The following MAF variants were observed in gnomAD, a reference collection of about 807,000 sequenced individuals.
The protein encoded by MAF is transcription factor Maf.
MAF carries 10 observed loss-of-function variants against 22.0 expected under a neutral mutation model. That is an observed-to-expected ratio of 0.45 (90% CI 0.28 to 0.77). The LOEUF is 0.77. Among genes scored for constraint, MAF ranks in the 30% least tolerant of loss-of-function variants. The pLI, the probability that MAF is intolerant of heterozygous loss-of-function variation, is 0.12. For synonymous variants in MAF, 337 were observed against 255.8 expected (o/e 1.32, Z -3.03); for missense variants, 544 against 548.4 (o/e 0.99, Z 0.08).
the MAF span, among the ~76,000 whole-genome samples, chr16:79,341,205 G>A: frequency 1.3e-5 from 2 of 152,316 alleles, no homozygotes; most frequent in Middle Eastern, 6.8e-3. Context: ...TTTATTTTAA[G>A]CACAAGAAGG....
chr16:79,451,080 A>G, the MAF span, among the ~76,000 whole-genome samples: 1 of 152,210 alleles, frequency 6.6e-6, no homozygotes, highest in Non-Finnish European at 1.5e-5. Context: ...TATTGTAATT[A>G]TAGTAGGGCA....
At chr16:79,598,579 G>A (rs1000422028) in intron 1 of MAF, 23 of 1,327,212 alleles carry the variant, frequency 1.7e-5, no homozygotes, top group Non-Finnish European at 2.2e-5. Flanking sequence ...AGCAGGGTGT[G>A]GGGTGTGTGT....
At chr16:79,330,588 G>A in the MAF span, among the ~76,000 whole-genome samples, 27 of 152,154 alleles carry the variant, frequency 1.8e-4, no homozygotes, top group Non-Finnish European at 3.5e-4. Flanking sequence ...GAACACCAGT[G>A]GGGAAAGACA....
At chr16:79,238,143 C>T in the MAF span, among the ~76,000 whole-genome samples, 1 of 152,104 alleles carries the variant, frequency 6.6e-6, no homozygotes, top group Non-Finnish European at 1.5e-5. Flanking sequence ...TGAGGCTCTT[C>T]CTTCTTGAAG....
the MAF span, among the ~76,000 whole-genome samples, chr16:79,565,508 G>GA: frequency 1.6e-5 from 2 of 122,418 alleles, no homozygotes; most frequent in Non-Finnish European, 1.9e-5. Context: ...ACGTGTTGTG[G>GA]GGGGGGGGAC....
chr16:79,450,273 C>A, the MAF span, among the ~76,000 whole-genome samples: 2 of 152,172 alleles, frequency 1.3e-5, no homozygotes, highest in Non-Finnish European at 2.9e-5. Context: ...ATTTTCAGTG[C>A]TCCTTATTAG....
At chr16:79,263,912 C>A in the MAF span, among the ~76,000 whole-genome samples, 1 of 152,156 alleles carries the variant, frequency 6.6e-6, no homozygotes, top group Admixed American at 6.5e-5. Flanking sequence ...CCCTTAATCC[C>A]TCTGGTCTCC....
the MAF span, among the ~76,000 whole-genome samples, chr16:79,297,566 T>C: frequency 0.095 from 14,445 of 152,230 alleles, 756 homozygotes; most frequent in East Asian, 0.25. Flanking sequence ...TCCCCGGCTA[T>C]AAATGGAGAA....
the MAF span, among the ~76,000 whole-genome samples, chr16:79,242,269 A>C: frequency 1.2e-4 from 18 of 151,800 alleles, no homozygotes; most frequent in Admixed American, 1.2e-3. Context: ...GTCAAGACCC[A>C]TAGGTGTGTG....
chr16:79,524,549 G>C, the MAF span, among the ~76,000 whole-genome samples: 245 of 152,316 alleles, frequency 1.6e-3, 1 homozygote, highest in Non-Finnish European at 2.7e-3. Flanking sequence ...CAGAACAAGA[G>C]TGTTTTACCC....
At chr16:79,217,139 T>C in the MAF span, among the ~76,000 whole-genome samples, 8 of 152,334 alleles carry the variant, frequency 5.3e-5, no homozygotes, top group African/African-American at 1.4e-4. Flanking sequence ...TCAGATGCTA[T>C]TTACTGAGCA....
At chr16:79,541,614 G>C in the MAF span, among the ~76,000 whole-genome samples, 5 of 151,908 alleles carry the variant, frequency 3.3e-5, no homozygotes, top group South Asian at 4.2e-4. Flanking sequence ...ATTCAGACAA[G>C]GTTCTACCAG....
chr16:79,491,126 G>A, the MAF span, among the ~76,000 whole-genome samples: 778 of 152,316 alleles, frequency 5.1e-3, 6 homozygotes, highest in African/African-American at 0.018. Flanking sequence ...GAGATAGGAT[G>A]GGGTTATTGA....
At chr16:79,398,516 T>C in the MAF span, among the ~76,000 whole-genome samples, 3 of 152,074 alleles carry the variant, frequency 2.0e-5, no homozygotes, top group Admixed American at 1.3e-4. Flanking sequence ...AGGGAGATAA[T>C]ATTGCCTTCC....
the MAF span, among the ~76,000 whole-genome samples, chr16:79,304,185 T>C: frequency 6.6e-6 from 1 of 152,108 alleles, no homozygotes; most frequent in African/African-American, 2.4e-5. Flanking sequence ...TGGGGAGCAA[T>C]CCATTTGGTT....
the MAF span, among the ~76,000 whole-genome samples, chr16:79,576,920 T>C: frequency 1.3e-5 from 2 of 152,344 alleles, no homozygotes; most frequent in East Asian, 1.9e-4. Context: ...TGCTGATAAC[T>C]TTTTATTAAA....
chr16:79,504,156 C>A, the MAF span, among the ~76,000 whole-genome samples: 1 of 152,138 alleles, frequency 6.6e-6, no homozygotes, highest in Non-Finnish European at 1.5e-5. Context: ...CTTAACTTGG[C>A]CGTTATGCTG....
chr16:79,495,455 TA>T, the MAF span, among the ~76,000 whole-genome samples: 1 of 152,166 alleles, frequency 6.6e-6, no homozygotes, highest in Admixed American at 6.5e-5. Context: ...AGAACTGTCT[TA>T]AAAAATAAAT....
chr16:79,450,629 A>G, the MAF span, among the ~76,000 whole-genome samples: 1 of 152,194 alleles, frequency 6.6e-6, no homozygotes, highest in South Asian at 2.1e-4. Context: ...GTTCTGTGAG[A>G]AAATGTGGTT....
Sources: allele counts gnomAD v4.1 joint callset (sites outside exome capture counted in the v4.1 genomes callset), GRCh38; gene constraint gnomAD v4.1.1; transcripts MANE v1.5; gene names NCBI Gene and HGNC (gene_info 2026-07-23, HGNC 2026-07-21).